The following CLPX variants were observed in gnomAD, a reference collection of about 807,000 sequenced individuals.
The protein encoded by CLPX is ATP-dependent clpX-like chaperone, mitochondrial.
A neutral mutation model predicts 76.4 loss-of-function variants in CLPX; 34 were observed. That is an observed-to-expected ratio of 0.45 (90% CI 0.34 to 0.59). The LOEUF (loss-of-function observed/expected upper bound fraction) is 0.59. Ranked by LOEUF, CLPX falls within the 20% of genes least tolerant of loss-of-function variation. The pLI, the probability that CLPX is intolerant of heterozygous loss-of-function variation, is 0.01. For missense variants in CLPX, 613 were observed against 757.0 expected, an observed-to-expected ratio of 0.81 and a Z score of 2.23; for synonymous variants, 248 against 270.9, an observed-to-expected ratio of 0.92 and a Z score of 0.83.
Position 65,166,689 on chromosome 15 carries a change from G to A in CLPX, c.455C>T (p.Ser152Leu). 1.2e-6 allele frequency: 2 copies of A among 1,614,134 alleles called. No individual in the cohort carries two copies. Among genetic ancestry groups the A allele is most frequent in the South Asian group, 2.2e-5 (2 of 91,074 alleles). ...TGCCAATTTTACAGCTTCTGCTGCT[G>A]ATTCAGGTTCTTTAATTATGCTTTT... ...SKKSIIKEPE[S>L]AAEAVKLAFQ... The change falls in exon 4 of 14, where the codon TCA (serine) becomes TTA (leucine). Residue 152 changes from serine to leucine, a missense_variant. Physicochemically the swap from Ser to Leu is moderately radical, Grantham distance 145 (BLOSUM62 -2). This residue lies in a region of CLPX where 450 missense variants were observed against 638.6 expected (regional missense o/e 0.70). Transcript: ENST00000300107.
At chr15:65,163,894 T>C (rs562350267) in intron 5 of CLPX, 135 bp downstream of exon 5, 23 of 800,194 alleles carry the variant, frequency 2.9e-5, no homozygotes, top group Non-Finnish European at 4.5e-5. Flanking sequence ...CATAACACAC[T>C]AATGGGGAAT....
chr15:65,162,245 G>A (rs547392833), intron 6 of CLPX, among the ~76,000 whole-genome samples: 9 of 152,180 alleles, frequency 5.9e-5, no homozygotes, highest in African/African-American at 2.2e-4. Context: ...TTGTAAGACT[G>A]TAAGTTTCAT....
At chr15:65,183,289 C>T (rs376667704) in intron 1 of CLPX, among the ~76,000 whole-genome samples, 28 of 151,262 alleles carry the variant, frequency 1.9e-4, no homozygotes, top group Non-Finnish European at 2.2e-4. Context: ...GGTGAAACCC[C>T]GTCTCTACTA....
chr15:65,155,963 G>T, intron 9 of CLPX, 107 bp from the exon 10 acceptor site: 1 of 898,670 alleles, frequency 1.1e-6, no homozygotes, highest in Non-Finnish European at 1.7e-6. Flanking sequence ...TATAGTCAAT[G>T]CACATACCTA....
At chr15:65,179,180 A>T in intron 2 of CLPX, 129 bp from the exon 3 acceptor site, 1 of 540,318 alleles carries the variant, frequency 1.9e-6, no homozygotes, top group South Asian at 2.6e-5. Context: ...AATTATTAGT[A>T]TATTTTATAA....
rs1391613298 is a variant in CLPX, at chr15:65,150,655, A to G, written c.*168T>C. 1.2e-5 allele frequency: 5 copies of G among 426,462 alleles called. No homozygotes were observed. The East Asian group carries it at 1.3e-4, about 11-fold the overall frequency. The allele number at this position is 426,462 out of a possible 1,614,324, so 26.4% of individuals were successfully genotyped here. On this transcript the variant is annotated 3_prime_UTR_variant, in exon 14 of 14. Transcript: ENST00000300107. ...CCATATAACATCTTCCGTAAAATCA[A>G]TGTGATGTTACAATTATATACATGA...
At chr15:65,163,966 T>C (rs1238910741) in intron 5 of CLPX, 63 bp downstream of exon 5, 43 of 1,433,258 alleles carry the variant, frequency 3.0e-5, no homozygotes, top group Admixed American at 5.6e-5. Context: ...AGTGAGGAGT[T>C]ACAAATAAAG....
At chr15:65,174,965 A>C (rs975053682) in intron 3 of CLPX, among the ~76,000 whole-genome samples, 3 of 152,228 alleles carry the variant, frequency 2.0e-5, no homozygotes, top group Non-Finnish European at 4.4e-5. Context: ...CTTTAAAAAA[A>C]ATCACACGTT....
chr15:65,171,433 C>T (rs1198180500), intron 3 of CLPX, among the ~76,000 whole-genome samples: 6 of 149,224 alleles, frequency 4.0e-5, no homozygotes, highest in Admixed American at 6.7e-5. Flanking sequence ...GGCAATAGAG[C>T]GAGACTCAGT....
Position 65,152,553 on chromosome 15 carries a change from TA to T in CLPX, c.1705-18del. 1 of 1,387,498 alleles carries T rather than the reference TA, an allele frequency of 7.2e-7. No individual in the cohort carries two copies. The highest frequency in any genetic ancestry group is 1.5e-5 in the South Asian group (1 of 68,712). 85.9% of individuals were successfully genotyped at this position (1,387,498 alleles called of 1,614,324 possible). A position where few individuals can be genotyped will look rare whatever the true frequency, so the allele number is the denominator to read the frequency against. On this transcript the variant is annotated intron_variant, in intron 12 of 13. Transcript: ENST00000300107. ...CAGCTTTTCCTAAAGAAATAAAAAG[TA>T]ATGAATCACATTGAAAACAGATTAC...
At chr15:65,169,427 A>G (rs1205837168) in intron 3 of CLPX, among the ~76,000 whole-genome samples, 1 of 151,856 alleles carries the variant, frequency 6.6e-6, no homozygotes, top group East Asian at 2.0e-4. Context: ...AAACATGGTT[A>G]TAGGATGTTG....
chr15:65,157,616 G>A (rs2087805071), intron 8 of CLPX, 130 bp downstream of exon 8: 9 of 884,762 alleles, frequency 1.0e-5, no homozygotes, highest in Non-Finnish European at 1.5e-5. Flanking sequence ...TAGAAATTAT[G>A]TAACAAAGGT....
intron 6 of CLPX, 105 bp from the exon 7 acceptor site, chr15:65,158,856 T>G: frequency 1.0e-6 from 1 of 959,042 alleles, no homozygotes; most frequent in Non-Finnish European, 1.5e-6. Context: ...ATAGAAAAAT[T>G]TAAGTATTTT....
Position 65,150,475 on chromosome 15 carries a change from C to T in CLPX, c.*348G>A, listed in dbSNP as rs938008635. Reference sequence around the variant, plus strand: ...TATTCAATTTTAAAGAATTTATTTTCCCATTTGTAGAGTAACATTATTGTA... The same window carrying T: ...TATTCAATTTTAAAGAATTTATTTTTCCATTTGTAGAGTAACATTATTGTA... On this transcript the variant is annotated 3_prime_UTR_variant, in exon 14 of 14. Transcript: ENST00000300107. 8.9e-5 allele frequency: 15 copies of T among 168,116 alleles called. No individual in the cohort carries two copies. The highest frequency in any genetic ancestry group is 1.7e-4 in the Non-Finnish European group (13 of 78,526). 10.4% of individuals were successfully genotyped at this position (168,116 alleles called of 1,614,324 possible).
At chr15:65,170,822 C>CT (rs749248279) in intron 3 of CLPX, among the ~76,000 whole-genome samples, 2,893 of 118,556 alleles carry the variant, frequency 0.024, 197 homozygotes, top group African/African-American at 0.081. Flanking sequence ...TTCTGTTCTT[C>CT]TTTTTTTTTT....
chr15:65,157,657 T>TC, intron 8 of CLPX, 89 bp downstream of exon 8: 1 of 1,237,580 alleles, frequency 8.1e-7, no homozygotes, highest in South Asian at 1.7e-5. Flanking sequence ...TTTTAGTCCT[T>TC]GACTCAAAAC....
At chr15:65,176,916 T>C (rs1041152816) in intron 3 of CLPX, among the ~76,000 whole-genome samples, 1 of 151,950 alleles carries the variant, frequency 6.6e-6, no homozygotes, top group African/African-American at 2.4e-5. Flanking sequence ...TTTAGGTCTA[T>C]AAAGGTTGAA....
chr15:65,153,127 C>T (rs1293686347), intron 12 of CLPX, among the ~76,000 whole-genome samples: 2 of 150,280 alleles, frequency 1.3e-5, no homozygotes, highest in Non-Finnish European at 3.0e-5. Flanking sequence ...TGAGAAAAAG[C>T]AAAATATAAT....
chr15:65,177,172 G>A (rs570163530), intron 3 of CLPX, among the ~76,000 whole-genome samples: 1 of 151,980 alleles, frequency 6.6e-6, no homozygotes, highest in South Asian at 2.1e-4. Flanking sequence ...AGGTTCAAGA[G>A]ATTCTCCTGT....
Sources: gnomAD v4.1 joint callset for allele counts (sites outside exome capture counted in the v4.1 genomes callset) on GRCh38, gnomAD v4.1.1 for gene constraint, gnomAD v4.1.1 regional missense constraint, MANE v1.5 for transcripts, NCBI Gene and HGNC (gene_info 2026-07-23, HGNC 2026-07-21) for gene names.